CTNNA2: variants seen among roughly 807,000 people sequenced by gnomAD.
CTNNA2 encodes catenin alpha-2.
A neutral mutation model predicts 101.0 loss-of-function variants in CTNNA2; 42 were observed. That is an observed-to-expected ratio of 0.42 (90% CI 0.32 to 0.54). The LOEUF (loss-of-function observed/expected upper bound fraction) is 0.54. Among genes scored for constraint, CTNNA2 ranks in the 20% least tolerant of loss-of-function variants. CTNNA2 has a pLI of 0.14. For missense variants in CTNNA2, 871 were observed against 1,223.1 expected, an observed-to-expected ratio of 0.71 and a Z score of 4.29; for synonymous variants, 450 against 456.4, an observed-to-expected ratio of 0.99 and a Z score of 0.18.
intron 12 of CTNNA2, among the ~76,000 whole-genome samples, chr2:80,573,917 T>C (rs1344798): frequency 0.96 from 146,359 of 152,220 alleles, 70,388 homozygotes; most frequent in East Asian, 0.98. Flanking sequence ...GGGCAGGTTT[T>C]AAAAACTTTG....
chr2:79,649,010 C>T (rs1681028585), intron 1 of CTNNA2, among the ~76,000 whole-genome samples: 1 of 152,062 alleles, frequency 6.6e-6, no homozygotes, highest in Non-Finnish European at 1.5e-5. Context: ...TGTCTGGGAA[C>T]TATTGTTCTT....
At chr2:80,480,923 C>G (rs566059287) in intron 9 of CTNNA2, among the ~76,000 whole-genome samples, 2 of 151,994 alleles carry the variant, frequency 1.3e-5, no homozygotes, top group East Asian at 3.9e-4. Context: ...AATCCCACAC[C>G]AAGGAATTCA....
At chr2:79,496,345 A>C (rs1671255678) in intron 4 of CTNNA2, among the ~76,000 whole-genome samples, 1 of 152,158 alleles carries the variant, frequency 6.6e-6, no homozygotes, top group Admixed American at 6.5e-5. Context: ...ACATGCAATT[A>C]AAATGTAGTT....
At position 80,604,108 on chromosome 2, in the gene CTNNA2, A is replaced by G; in HGVS notation, c.2224A>G (p.Ile742Val). The G allele has an allele frequency of 6.2e-7, 1 of 1,613,154 alleles. No homozygotes were observed. The highest frequency in any genetic ancestry group is 1.1e-5 in the South Asian group (1 of 91,056). The change falls in exon 16 of 19, where the codon ATT becomes GTT. Residue 742 changes from isoleucine to valine, a missense_variant. Ile to Val is a conservative substitution (Grantham distance 29). Transcript: ENST00000402739. ...CCCATTGAAAAATACATCTGATGTC[A>G]TTAATGCTGCCAAGAAAATTGCCGA... ...KGPLKNTSDV[I>V]NAAKKIAEAG...
rs143120366 is a variant in CTNNA2 at position 80,496,945 on chromosome 2, C to G, written c.1291-48037C>G. Among the ~76,000 whole-genome samples, 957 of 152,236 alleles carry G rather than the reference C, an allele frequency of 6.3e-3. 10 individuals are homozygous for G. The highest frequency in any genetic ancestry group is 0.022 in the African/African-American group (899 of 41,532). Reference sequence around the variant, plus strand: ...TGTTTATGACTCACCAATTCATCATCAACACGATGCCTTTTAAAGCAATAT... The same window carrying G: ...TGTTTATGACTCACCAATTCATCATGAACACGATGCCTTTTAAAGCAATAT... On this transcript the variant is annotated intron_variant, in intron 9 of 18. Coordinates refer to ENST00000402739, the MANE Select transcript of CTNNA2 (RefSeq NM_001282597.3).
At chr2:79,687,655 G>T (rs1338724766) in intron 2 of CTNNA2, 3 of 634,314 alleles carry the variant, frequency 4.7e-6, no homozygotes, top group African/African-American at 1.9e-5. Flanking sequence ...TGTTGAATTG[G>T]GTAACTCTTT....
chr2:80,240,603 C>G (rs563668362), intron 7 of CTNNA2, among the ~76,000 whole-genome samples: 1 of 152,196 alleles, frequency 6.6e-6, no homozygotes, highest in Admixed American at 6.5e-5. Flanking sequence ...TTTCTCTTTC[C>G]TTCCCACACA....
chr2:79,334,036 G>A (rs1436014551), intron 3 of CTNNA2, among the ~76,000 whole-genome samples: 1 of 152,092 alleles, frequency 6.6e-6, no homozygotes, highest in Non-Finnish European at 1.5e-5. Flanking sequence ...ATCAAATCAT[G>A]GTAATTGGCA....
At chr2:79,985,958 C>T (rs80150612) in intron 7 of CTNNA2, among the ~76,000 whole-genome samples, 4,914 of 152,270 alleles carry the variant, frequency 0.032, 250 homozygotes, top group African/African-American at 0.11. Flanking sequence ...CAGGCAACAA[C>T]AGGAATAGAC....
At chr2:79,649,005 G>T (rs776503074) in intron 1 of CTNNA2, among the ~76,000 whole-genome samples, 5 of 152,096 alleles carry the variant, frequency 3.3e-5, no homozygotes, top group Non-Finnish European at 7.4e-5. Context: ...TGATTTGTCT[G>T]GGAACTATTG....
intron 3 of CTNNA2, among the ~76,000 whole-genome samples, chr2:79,760,168 G>A (rs547292466): frequency 6.6e-6 from 1 of 152,092 alleles, no homozygotes; most frequent in South Asian, 2.1e-4. Context: ...TATAGGCAAG[G>A]CATGTAAATC....
At chr2:79,407,928 C>A (rs1678358210) in intron 4 of CTNNA2, among the ~76,000 whole-genome samples, 1 of 152,012 alleles carries the variant, frequency 6.6e-6, no homozygotes, top group African/African-American at 2.4e-5. Context: ...TGTTATGAAT[C>A]TATTTTAACC....
At chr2:80,457,858 G>A (rs1237045416) in intron 9 of CTNNA2, among the ~76,000 whole-genome samples, 2 of 151,960 alleles carry the variant, frequency 1.3e-5, no homozygotes. Context: ...TTGTTTAAAA[G>A]TCAGACACCC....
At chr2:79,578,489 T>C (rs1675936109) in intron 1 of CTNNA2, among the ~76,000 whole-genome samples, 1 of 152,224 alleles carries the variant, frequency 6.6e-6, no homozygotes, top group Non-Finnish European at 1.5e-5. Context: ...AACTATTCTA[T>C]ATTCTCCTCA....
intron 1 of CTNNA2, among the ~76,000 whole-genome samples, chr2:79,582,906 C>T (rs966784408): frequency 6.6e-6 from 1 of 152,066 alleles, no homozygotes; most frequent in African/African-American, 2.4e-5. Context: ...ACCTTAGTTT[C>T]TTGCAGCCAC....
chr2:79,687,606 A>T (rs1684022305), intron 2 of CTNNA2: 1 of 703,398 alleles, frequency 1.4e-6, no homozygotes, highest in Non-Finnish European at 2.6e-6. Context: ...AAAATCACAT[A>T]AATCTGTATT....
rs546309772 is a variant in CTNNA2, at chr2:79,352,985, A to C, written c.-317-20846A>C. Among the ~76,000 whole-genome samples, 67 of 152,244 alleles carry C rather than the reference A, an allele frequency of 4.4e-4. No homozygotes were observed. In the Middle Eastern group the frequency reaches 0.014, roughly 31 times the overall value. On this transcript the variant is annotated intron_variant, in intron 3 of 21. Coordinates refer to the CTNNA2 transcript ENST00000466387. ...AGGGGAAGGTGGCACACACTTTTTA[A>C]ACAACCAGACCCCTTGAGAACTCTA... is the stretch of plus-strand genomic sequence containing the variant.
At chr2:80,204,358 C>G (rs1235880600) in intron 7 of CTNNA2, among the ~76,000 whole-genome samples, 2 of 152,152 alleles carry the variant, frequency 1.3e-5, no homozygotes, top group African/African-American at 4.8e-5. Context: ...GAATGCTTAA[C>G]AGCACCCAAG....
At chr2:79,748,876 G>A (rs1284769090) in intron 3 of CTNNA2, among the ~76,000 whole-genome samples, 1 of 152,048 alleles carries the variant, frequency 6.6e-6, no homozygotes, top group Non-Finnish European at 1.5e-5. Flanking sequence ...ACTGGAGTAG[G>A]TGTTGTGCTG....
Sources: gnomAD v4.1 joint callset for allele counts (sites outside exome capture counted in the v4.1 genomes callset) on GRCh38, gnomAD v4.1.1 for gene constraint, MANE v1.5 for transcripts, NCBI Gene and HGNC (gene_info 2026-07-23, HGNC 2026-07-21) for gene names.